TTC39C: variants seen among roughly 807,000 people sequenced by gnomAD.
The protein encoded by TTC39C is tetratricopeptide repeat protein 39C.
Under a neutral mutation model 76.3 loss-of-function variants are expected in TTC39C, and 33 were observed. That is an observed-to-expected ratio of 0.43 (90% CI 0.33 to 0.58). TTC39C has a LOEUF of 0.58. Among genes scored for constraint, TTC39C ranks in the 20% least tolerant of loss-of-function variants. The pLI, the probability that TTC39C is intolerant of heterozygous loss-of-function variation, is 0.04. For missense variants in TTC39C, 595 were observed against 701.4 expected, an observed-to-expected ratio of 0.85 and a Z score of 1.71; for synonymous variants, 254 against 260.6, an observed-to-expected ratio of 0.97 and a Z score of 0.24.
intron 1 of TTC39C, 103 bp downstream of exon 1, chr18:24,015,141 G>GGTC (rs988384429): frequency 1.1e-5 from 12 of 1,121,366 alleles, no homozygotes; most frequent in African/African-American, 1.7e-5. Flanking sequence ...CCCTCCTGTC[G>GGTC]GTCACCGATT....
At chr18:24,069,036 T>G in intron 3 of TTC39C, 121 bp from the exon 4 acceptor site, 1 of 775,536 alleles carries the variant, frequency 1.3e-6, no homozygotes, top group Non-Finnish European at 2.1e-6. Flanking sequence ...GGGCTTGGCT[T>G]TGAGTGCCAG....
chr18:24,011,344 G>A (rs543080521), upstream of TTC39C, among the ~76,000 whole-genome samples: 2 of 152,302 alleles, frequency 1.3e-5, no homozygotes, highest in Admixed American at 1.3e-4. Flanking sequence ...TTTAATTAGG[G>A]GATTTCAGTT....
chr18:24,037,661 A>G (rs1056883701), intron 1 of TTC39C, among the ~76,000 whole-genome samples: 3 of 152,232 alleles, frequency 2.0e-5, no homozygotes, highest in African/African-American at 7.2e-5. Context: ...TCTGTGTTGC[A>G]TTAACTGGTT....
intron 6 of TTC39C, among the ~76,000 whole-genome samples, chr18:24,087,593 GT>G (rs757639984): frequency 1.5e-5 from 2 of 132,882 alleles, no homozygotes; most frequent in South Asian, 4.8e-4. Context: ...TTTTTTTTTT[GT>G]TTTTTTTTGA....
At chr18:24,024,009 TATA>T (rs1568409143) in intron 1 of TTC39C, among the ~76,000 whole-genome samples, 26 of 24,236 alleles carry the variant, frequency 1.1e-3, no homozygotes, top group African/African-American at 7.2e-3. Flanking sequence ...TATATATATA[TATA>T]TATATTTTTT....
chr18:24,019,334 T>C (rs896898979), intron 1 of TTC39C, among the ~76,000 whole-genome samples: 1 of 152,214 alleles, frequency 6.6e-6, no homozygotes. Context: ...CTGTAGATAT[T>C]TTAAAGAGTC....
chr18:24,115,737 C>T (rs186104480), intron 7 of TTC39C, among the ~76,000 whole-genome samples: 30 of 152,238 alleles, frequency 2.0e-4, no homozygotes, highest in Non-Finnish European at 3.5e-4. Context: ...CAAAAGATTG[C>T]GAACTGCCCA....
At chr18:24,043,067 A>C (rs1172830101) in intron 1 of TTC39C, among the ~76,000 whole-genome samples, 3 of 152,260 alleles carry the variant, frequency 2.0e-5, no homozygotes, top group Admixed American at 1.3e-4. Flanking sequence ...GAGTCTAGCT[A>C]GGATTATATA....
At chr18:24,090,482 G>A (rs2084502986) in intron 6 of TTC39C, among the ~76,000 whole-genome samples, 1 of 152,044 alleles carries the variant, frequency 6.6e-6, no homozygotes, top group Non-Finnish European at 1.5e-5. Context: ...TCCATGTTTT[G>A]TATCAGAACT....
chr18:24,118,938 G>A (rs1351664325), intron 8 of TTC39C, among the ~76,000 whole-genome samples: 1 of 152,164 alleles, frequency 6.6e-6, no homozygotes, highest in Non-Finnish European at 1.5e-5. Flanking sequence ...TTATAGGCAT[G>A]AGCCTCAGAG....
chr18:23,995,389 G>A (rs1002362211), intron 1 of TTC39C, among the ~76,000 whole-genome samples: 2 of 152,038 alleles, frequency 1.3e-5, no homozygotes, highest in Non-Finnish European at 2.9e-5. Flanking sequence ...AAAATCACGC[G>A]AATCCAGGAG....
intron 6 of TTC39C, among the ~76,000 whole-genome samples, chr18:24,096,586 T>C (rs2084593157): frequency 6.6e-6 from 1 of 152,220 alleles, no homozygotes; most frequent in Admixed American, 6.5e-5. Flanking sequence ...GTATGAGATG[T>C]ACATATGGTT....
intron 1 of TTC39C, among the ~76,000 whole-genome samples, chr18:24,028,094 T>C (rs1170104007): frequency 6.6e-6 from 1 of 152,076 alleles, no homozygotes; most frequent in Non-Finnish European, 1.5e-5. Context: ...CTTTGAGTTA[T>C]CAAAATTACA....
At chr18:24,087,915 TCTGGGCCTAGCACAGGA>T (rs2084465663) in intron 6 of TTC39C, among the ~76,000 whole-genome samples, 2 of 152,326 alleles carry the variant, frequency 1.3e-5, no homozygotes, top group East Asian at 3.9e-4. Context: ...GAAATCGAAA[TCTGGGCCTAGCACAGGA>T]CTGGCCCTCA....
At chr18:24,063,267 G>A (rs1028614774) in intron 1 of TTC39C, among the ~76,000 whole-genome samples, 1 of 151,950 alleles carries the variant, frequency 6.6e-6, no homozygotes, top group Admixed American at 6.6e-5. Flanking sequence ...TTACAAGGGG[G>A]GAATGGCTGA....
At position 24,080,821 on chromosome 18, in the gene TTC39C, G is replaced by A; in HGVS notation, c.697G>A (p.Val233Met). The change falls in exon 5 of 14, where the codon GTG (valine) becomes ATG (methionine). Residue 233 changes from valine to methionine, a missense_variant. Coordinates refer to ENST00000317571, the MANE Select transcript of TTC39C (RefSeq NM_001135993.2). ...CCTTTTTCACCTTTGCATATCCATG[G>A]TGCCCCCAAACCTGCTCAAAATCAT... ...YGLFHLCISM[V>M]PPNLLKIINL... The A allele has an allele frequency of 1.2e-6, 2 of 1,614,078 alleles. No individual in the cohort carries two copies. Among genetic ancestry groups the A allele is most frequent in the Non-Finnish European group, 1.7e-6 (2 of 1,180,014 alleles).
chr18:24,018,470 A>G (rs769758726), intron 1 of TTC39C, among the ~76,000 whole-genome samples: 10 of 152,178 alleles, frequency 6.6e-5, no homozygotes, highest in Non-Finnish European at 1.0e-4. Flanking sequence ...CACATAAGAC[A>G]GGCTGTGGGT....
In TTC39C at chr18:24,080,601, G is replaced by A. The variant is rs747781059; in HGVS notation, c.477G>A (p.Gly159=). 1.4e-5 allele frequency: 22 copies of A among 1,607,604 alleles called. No individual in the cohort carries two copies. The highest frequency in any genetic ancestry group is 1.7e-5 in the Non-Finnish European group (20 of 1,176,908). Reference sequence around the variant, plus strand: ...TCTTTTTAGCTTATATCAAAGGTGGGTGGATCCTTAGGAAAGCCTGGAAGA... The same window carrying A: ...TCTTTTTAGCTTATATCAAAGGTGGATGGATCCTTAGGAAAGCCTGGAAGA... The part of the protein sequence containing the change: ...KQELSAYIKG[G]WILRKAWKIY... The change falls in exon 5 of 14, where the codon GGG becomes GGA. Residue 159 remains glycine, a synonymous_variant. Coordinates refer to ENST00000317571, the MANE Select transcript of TTC39C (RefSeq NM_001135993.2).
At chr18:24,073,424 C>T (rs1441248851) in intron 4 of TTC39C, among the ~76,000 whole-genome samples, 1 of 152,184 alleles carries the variant, frequency 6.6e-6, no homozygotes, top group Non-Finnish European at 1.5e-5. Flanking sequence ...ACCTTGCCCT[C>T]TCAGTGTGGA....
Sources: allele counts gnomAD v4.1 joint callset (sites outside exome capture counted in the v4.1 genomes callset), GRCh38; gene constraint gnomAD v4.1.1; transcripts MANE v1.5; gene names NCBI Gene and HGNC (gene_info 2026-07-23, HGNC 2026-07-21).